Variants in ABL1 observed in about 807,000 individuals in gnomAD.
ABL1 encodes the protein ABL proto-oncogene 1, non-receptor tyrosine kinase.
In ABL1, 11 loss-of-function variants were observed where a neutral mutation model predicts 94.7. The ratio of observed to expected loss-of-function variants is 0.12; its 90% CI spans 0.07 to 0.19. ABL1 has a LOEUF of 0.19. Ranked by LOEUF, ABL1 falls within the 10% of genes least tolerant of loss-of-function variation. ABL1 has a pLI of 1.00. For missense variants in ABL1, 1,082 were observed against 1,489.4 expected, an observed-to-expected ratio of 0.73 and a Z score of 4.50; for synonymous variants, 656 against 622.4, an observed-to-expected ratio of 1.05 and a Z score of -0.80.
chr9:130,738,327 T>C (rs1831771643), intron 1 of ABL1, among the ~76,000 whole-genome samples: 1 of 152,232 alleles, frequency 6.6e-6, no homozygotes, highest in Admixed American at 6.5e-5. Context: ...GCATGCTTAC[T>C]AAGTTCCAGG....
intron 1 of ABL1, among the ~76,000 whole-genome samples, chr9:130,743,687 A>G (rs1831848312): frequency 2.0e-5 from 3 of 152,168 alleles, no homozygotes; most frequent in Admixed American, 2.0e-4. Context: ...GAGTTTCCCA[A>G]GTGGGTTTCC....
chr9:130,749,205 T>C (rs1356964369), intron 1 of ABL1, among the ~76,000 whole-genome samples: 7 of 152,138 alleles, frequency 4.6e-5, no homozygotes, highest in Non-Finnish European at 5.9e-5. Flanking sequence ...CTTCTGTTGA[T>C]TGAGTTCTTG....
chr9:130,858,741 A>T (rs1346624631), intron 3 of ABL1, among the ~76,000 whole-genome samples: 1 of 152,210 alleles, frequency 6.6e-6, no homozygotes, highest in Non-Finnish European at 1.5e-5. Flanking sequence ...GATAGGAGGA[A>T]TAGGCTGGGG....
chr9:130,740,928 T>C (rs1033190533), intron 1 of ABL1, among the ~76,000 whole-genome samples: 3 of 148,126 alleles, frequency 2.0e-5, no homozygotes, highest in African/African-American at 7.5e-5. Context: ...GAATTACAGG[T>C]GTGAGTCACT....
chr9:130,884,308 T>A lies in ABL1; in HGVS notation c.2018T>A (p.Leu673His), dbSNP rs1232870532. The change falls in exon 11 of 11, where the codon CTC becomes CAC. Residue 673 changes from leucine to histidine, a missense_variant. Physicochemically the swap from Leu to His is moderately conservative, Grantham distance 99. Transcript: ENST00000318560. This position sits in a 1 kb window ranked among gnomAD's most constrained non-coding sequence, Gnocchi z 5.6. ...GGGGCTGGGGTCCCCAATGGAGCCCTCCGGGAGTCCGGGGGCTCAGGCTTC... is the reference window on the plus strand; with the variant it reads ...GGGGCTGGGGTCCCCAATGGAGCCCACCGGGAGTCCGGGGGCTCAGGCTTC... ...SNGAGVPNGA[L>H]RESGGSGFRS... 2 of 1,611,066 alleles carry A rather than the reference T, an allele frequency of 1.2e-6. No individual in the cohort carries two copies. Among genetic ancestry groups the A allele is most frequent in the Non-Finnish European group, 1.7e-6 (2 of 1,178,948 alleles).
intron 1 of ABL1, among the ~76,000 whole-genome samples, chr9:130,756,187 G>T (rs1832039399): frequency 1.3e-5 from 2 of 152,168 alleles, no homozygotes; most frequent in Admixed American, 1.3e-4. Context: ...TAGAAAGGCA[G>T]TTGACTTTGG....
At chr9:130,835,037 G>A, upstream of ABL1, 1 of 328,428 alleles carries the variant, frequency 3.0e-6, no homozygotes, top group East Asian at 1.0e-4. This position sits in a 1 kb window ranked among gnomAD's most constrained non-coding sequence, Gnocchi z 4.6. Flanking sequence ...GCGCTTCCAG[G>A]CGGAGAAAGA....
At position 130,854,156 on chromosome 9, in the gene ABL1, C is replaced by T. The variant is rs768625856; in HGVS notation, c.172C>T (p.Pro58Ser). The T allele has an allele frequency of 2.5e-6, 4 of 1,614,168 alleles. No individual in the cohort carries two copies. The East Asian group carries it at 8.9e-5, about 36-fold the overall frequency. The change falls in exon 2 of 11, where the codon CCC becomes TCC. Residue 58 changes from proline to serine, a missense_variant. Physicochemically the swap from Pro to Ser is moderately conservative, Grantham distance 74. Transcript: ENST00000318560. ...CTCCAAGGAAAACCTTCTCGCTGGA[C>T]CCAGTGAAAATGACCCCAACCTTTT... ...WNSKENLLAGPSENDPNLFVA... is the reference protein window; with the variant it reads ...WNSKENLLAGSSENDPNLFVA...
chr9:130,856,073 G>A (rs1830969571), intron 3 of ABL1, among the ~76,000 whole-genome samples: 1 of 152,002 alleles, frequency 6.6e-6, no homozygotes, highest in African/African-American at 2.4e-5. Context: ...ACACCACCAT[G>A]CCCAGCTGTT....
chr9:130,790,078 TA>T (rs1829885476), intron 1 of ABL1, among the ~76,000 whole-genome samples: 2 of 152,224 alleles, frequency 1.3e-5, no homozygotes, highest in African/African-American at 4.8e-5. Context: ...CACAACAGTT[TA>T]AACGGAGGCC....
intron 1 of ABL1, among the ~76,000 whole-genome samples, chr9:130,761,143 A>G (rs7856154): frequency 0.19 from 28,815 of 151,226 alleles, 3,456 homozygotes; most frequent in Middle Eastern, 0.39. Context: ...ATGTTTTTGT[A>G]TTTTTAGTAG....
chr9:130,813,933 G>T (rs749425113), intron 1 of ABL1, among the ~76,000 whole-genome samples: 3 of 152,102 alleles, frequency 2.0e-5, no homozygotes, highest in Non-Finnish European at 4.4e-5. Flanking sequence ...ATGACCTTGG[G>T]GTCCCACTTT....
chr9:130,744,141 G>A (rs1438562240), intron 1 of ABL1, among the ~76,000 whole-genome samples: 1 of 149,792 alleles, frequency 6.7e-6, no homozygotes, highest in Non-Finnish European at 1.5e-5. Context: ...AACCCTTCTT[G>A]TTTTTTTCTT....
intron 1 of ABL1, chr9:130,714,511 C>A: frequency 6.2e-7 from 1 of 1,610,378 alleles, no homozygotes; most frequent in South Asian, 1.1e-5. Flanking sequence ...CATCTTAGGC[C>A]TTCAAGGAAC....
chr9:130,750,221 A>ATC (rs1831941029), intron 1 of ABL1, among the ~76,000 whole-genome samples: 1 of 127,700 alleles, frequency 7.8e-6, no homozygotes, highest in African/African-American at 2.9e-5. Flanking sequence ...ATATATATAT[A>ATC]TATATATATA....
intron 1 of ABL1, among the ~76,000 whole-genome samples, chr9:130,798,217 T>A (rs1205595792): frequency 2.0e-5 from 3 of 152,224 alleles, no homozygotes; most frequent in African/African-American, 7.2e-5. Context: ...TTTGAGTATT[T>A]GAGACATTTC....
intron 4 of ABL1, among the ~76,000 whole-genome samples, chr9:130,866,549 CT>C (rs1831160382): frequency 6.6e-6 from 1 of 152,134 alleles, no homozygotes; most frequent in African/African-American, 2.4e-5. Flanking sequence ...CCAGAGTCCT[CT>C]TTTGCCAGCA....
chr9:130,823,422 G>T (rs556893943), intron 1 of ABL1, among the ~76,000 whole-genome samples: 1 of 152,204 alleles, frequency 6.6e-6, no homozygotes, highest in African/African-American at 2.4e-5. Context: ...ATTACCATAA[G>T]GACTAAATGG....
chr9:130,786,759 C>T (rs547551044), intron 1 of ABL1, among the ~76,000 whole-genome samples: 3 of 152,118 alleles, frequency 2.0e-5, no homozygotes, highest in South Asian at 2.1e-4. Flanking sequence ...GTGACTTTGC[C>T]AACACAAACA....
Sources: gnomAD v4.1 joint callset for allele counts (sites outside exome capture counted in the v4.1 genomes callset) on GRCh38, gnomAD v4.1.1 for gene constraint, Gnocchi (gnomAD v3.1) non-coding constraint, MANE v1.5 for transcripts, NCBI Gene and HGNC (gene_info 2026-07-23, HGNC 2026-07-21) for gene names.